Variants in CRTC1 observed in about 807,000 individuals in gnomAD.
The protein encoded by CRTC1 is CREB-regulated transcription coactivator 1.
A neutral mutation model predicts 66.1 loss-of-function variants in CRTC1; 18 were observed. The observed-to-expected ratio is 0.27, with a 90% CI of 0.19 to 0.40. The LOEUF is 0.40. Ranked by LOEUF, CRTC1 falls within the 10% of genes least tolerant of loss-of-function variation. The probability of loss-of-function intolerance (pLI) is 1.00; values close to 1 mark genes in which losing one functional copy is unlikely to be tolerated. For synonymous variants in CRTC1, 416 were observed against 398.8 expected, an observed-to-expected ratio of 1.04 and a Z score of -0.51; for missense variants, 669 against 887.9, an observed-to-expected ratio of 0.75 and a Z score of 3.13.
chr19:18,724,034 T>C (rs1460891611), intron 1 of CRTC1, among the ~76,000 whole-genome samples: 3 of 152,204 alleles, frequency 2.0e-5, no homozygotes, highest in African/African-American at 7.2e-5. Context: ...GAAACCTCCC[T>C]GCACAGAACA....
intron 1 of CRTC1, among the ~76,000 whole-genome samples, chr19:18,722,491 C>T (rs1380023454): frequency 6.6e-6 from 1 of 152,156 alleles, no homozygotes; most frequent in Admixed American, 6.5e-5. Flanking sequence ...GACTGGTGTC[C>T]TTATTTAAAG....
At chr19:18,730,674 C>G (rs2053867008) in intron 1 of CRTC1, among the ~76,000 whole-genome samples, 1 of 152,178 alleles carries the variant, frequency 6.6e-6, no homozygotes, top group African/African-American at 2.4e-5. Context: ...CCTACCTCAT[C>G]CTTCATCCCG....
chr19:18,778,074 C>G lies in CRTC1; in HGVS notation c.*692C>G. ...CCTCCTCGCCCTGTCTCCATCCCCT[C>G]GAAGCCCTGCCTCACCGCAGGCAGG... On this transcript the variant is annotated 3_prime_UTR_variant, in exon 14 of 14. Coordinates refer to ENST00000321949, the MANE Select transcript of CRTC1 (RefSeq NM_015321.3). The G allele has an allele frequency of 4.3e-6, 1 of 233,358 alleles. No individual in the cohort carries two copies. Among genetic ancestry groups the G allele is most frequent in the Non-Finnish European group, 8.5e-6 (1 of 118,118 alleles). The allele number at this position is 233,358 out of a possible 1,614,324, so 14.5% of individuals were successfully genotyped here. A position where few individuals can be genotyped will look rare whatever the true frequency, so the allele number is the denominator to read the frequency against.
chr19:18,770,237 G>A (rs933808210), intron 10 of CRTC1, among the ~76,000 whole-genome samples: 3 of 152,232 alleles, frequency 2.0e-5, no homozygotes, highest in African/African-American at 7.2e-5. Context: ...GGCCTGGCCC[G>A]ACCTGCCTCT....
chr19:18,741,354 ACGT>A lies in CRTC1; in HGVS notation c.127-1552_127-1550del, dbSNP rs2054106850. On this transcript the variant is annotated intron_variant, in intron 1 of 13. Transcript: ENST00000321949. This position sits in a 1 kb window ranked among gnomAD's most constrained non-coding sequence, Gnocchi z 4.2. Reference sequence around the variant, plus strand: ...GTGGCATGAGTACCTGCTGTGTCACACGTCGTGTGTCCCTCTCACACCCGCCTG... The same window carrying A: ...GTGGCATGAGTACCTGCTGTGTCACACGTGTGTCCCTCTCACACCCGCCTG... Among the ~76,000 whole-genome samples the A allele has an allele frequency of 6.6e-6, 1 of 152,176 alleles. No individual in the cohort carries two copies. Among genetic ancestry groups the A allele is most frequent in the Admixed American group, 6.5e-5 (1 of 15,280 alleles).
At chr19:18,745,742 C>G (rs2054218808) in intron 2 of CRTC1, 81 bp from the exon 3 acceptor site, 1 of 1,574,790 alleles carries the variant, frequency 6.4e-7, no homozygotes. Flanking sequence ...TGCGATCAGA[C>G]TCTGGGGCCA....
chr19:18,721,233 G>T (rs1242796486), intron 1 of CRTC1, among the ~76,000 whole-genome samples: 1 of 144,124 alleles, frequency 6.9e-6, no homozygotes, highest in Non-Finnish European at 1.5e-5. Context: ...TCGCTCTGTC[G>T]TCCAGGCTGG....
intron 1 of CRTC1, among the ~76,000 whole-genome samples, chr19:18,719,149 C>T (rs2053568786): frequency 6.6e-6 from 1 of 152,168 alleles, no homozygotes; most frequent in Non-Finnish European, 1.5e-5. Flanking sequence ...AGGGACACCT[C>T]CAGCCTCTGT....
In CRTC1 at chr19:18,768,750, C is replaced by G. The variant is rs770653630; in HGVS notation, c.1277C>G (p.Pro426Arg). 2.9e-5 allele frequency: 47 copies of G among 1,602,046 alleles called. No homozygotes were observed. Among genetic ancestry groups the G allele is most frequent in the Non-Finnish European group, 3.7e-5 (44 of 1,175,582 alleles). The change falls in exon 10 of 14, where the codon CCA becomes CGA. Residue 426 changes from proline to arginine, a missense_variant. Pro to Arg is a moderately radical substitution (Grantham distance 103, BLOSUM62 -2). Around this residue, in one of 8 missense-constraint regions of CRTC1, gnomAD observed 241 missense variants for 242.2 expected, o/e 0.99. Transcript: ENST00000321949. This position sits in a 1 kb window ranked among gnomAD's most constrained non-coding sequence, Gnocchi z 5.6. ...TVPSSLPQSP[P>R]ENPGQPSMGI... The stretch of plus-strand genomic sequence containing the variant: ...CCGTCCTCTCTCCCCCAGTCCCCCC[C>G]AGAGAACCCTGGCCAGCCATCGATG...
chr19:18,690,495 C>T (rs1396998730), intron 1 of CRTC1, among the ~76,000 whole-genome samples: 1 of 152,194 alleles, frequency 6.6e-6, no homozygotes, highest in Non-Finnish European at 1.5e-5. Context: ...CCTCATCACT[C>T]TCCAGGCCCC....
rs1018846685 is a variant in CRTC1 at position 18,777,487 on chromosome 19, G to A, written c.*105G>A. The A allele has an allele frequency of 5.4e-6, 6 of 1,106,586 alleles. No individual in the cohort carries two copies. Among genetic ancestry groups the A allele is most frequent in the Non-Finnish European group, 8.1e-6 (6 of 740,796 alleles). The allele number at this position is 1,106,586 out of a possible 1,614,324, so 68.5% of individuals were successfully genotyped here. A position where few individuals can be genotyped will look rare whatever the true frequency, so the allele number is the denominator to read the frequency against. The stretch of plus-strand genomic sequence containing the variant: ...CCAACGGCCGAGCTTGTGATTCTGA[G>A]CTTGCAATGCCGCCAAGCGCCCCCC... On this transcript the variant is annotated 3_prime_UTR_variant, in exon 14 of 14. Transcript: ENST00000321949. The surrounding 1 kb of genome is among the most constrained non-coding windows in gnomAD (Gnocchi z 5.5).
chr19:18,728,815 C>CTT (rs35465891), intron 1 of CRTC1, among the ~76,000 whole-genome samples: 1,835 of 79,360 alleles, frequency 0.023, 180 homozygotes, highest in Non-Finnish European at 0.032. Context: ...CTCACCTGGC[C>CTT]TTTTTTTTTT....
At chr19:18,756,348 A>AAC (rs1555786046) in intron 6 of CRTC1, among the ~76,000 whole-genome samples, 1 of 150,538 alleles carries the variant, frequency 6.6e-6, no homozygotes, top group Non-Finnish European at 1.5e-5. Context: ...AAAAAAAAAA[A>AAC]AAAAAAACTC....
At position 18,775,699 on chromosome 19, in the gene CRTC1, G is replaced by C. The variant is rs762657185; in HGVS notation, c.1571G>C (p.Gly524Ala). 3.7e-6 allele frequency: 6 copies of C among 1,612,686 alleles called. No individual in the cohort carries two copies. Among genetic ancestry groups the C allele is most frequent in the South Asian group, 3.3e-5 (3 of 91,052 alleles). ...AGCTCCAGCAGCCTGTACAGCCCGG[G>C]CTCCACACTCAACTACTCGCAGGCG... ...AISSSSLYSP[G>A]STLNYSQAAM... is the part of the protein sequence containing the mutation. The change falls in exon 13 of 14, where the codon GGC (glycine) becomes GCC (alanine). Residue 524 changes from glycine (G) to alanine (A), a missense_variant. Around this residue, in one of 8 missense-constraint regions of CRTC1, gnomAD observed 79 missense variants for 100.1 expected, o/e 0.79. Transcript: ENST00000321949.
chr19:18,754,748 T>A (rs920227743), intron 6 of CRTC1, among the ~76,000 whole-genome samples: 5 of 152,172 alleles, frequency 3.3e-5, no homozygotes, highest in African/African-American at 1.2e-4. Context: ...ACACTCCTGA[T>A]ACTATTGTCA....
chr19:18,750,279 C>G (rs2054334437), intron 5 of CRTC1, among the ~76,000 whole-genome samples: 1 of 152,208 alleles, frequency 6.6e-6, no homozygotes, highest in African/African-American at 2.4e-5. Context: ...CCACTGCTTC[C>G]CACTGGACTG....
chr19:18,749,563 C>T (rs1374580056), intron 4 of CRTC1, among the ~76,000 whole-genome samples: 2 of 152,256 alleles, frequency 1.3e-5, no homozygotes, highest in Non-Finnish European at 2.9e-5. Flanking sequence ...CCTCGCGCGG[C>T]TGCTTTTTGT....
chr19:18,780,934 CG>C lies in CRTC1; in HGVS notation c.*3555del, dbSNP rs2055090356. ...TTTTAACCAAACATCCTTCCAAACT[CG>C]GGCTGCGACCTGCTTCCTGAGTTTT... On this transcript the variant is annotated 3_prime_UTR_variant, in exon 14 of 14. Coordinates refer to ENST00000321949, the MANE Select transcript of CRTC1 (RefSeq NM_015321.3). 1 of 222,558 alleles carries C rather than the reference CG, an allele frequency of 4.5e-6. No homozygotes were observed. Among genetic ancestry groups the C allele is most frequent in the Non-Finnish European group, 9.0e-6 (1 of 111,420 alleles). The allele number at this position is 222,558 out of a possible 1,614,324, so 13.8% of individuals were successfully genotyped here.
At chr19:18,762,651 A>G (rs1037918557) in intron 8 of CRTC1, among the ~76,000 whole-genome samples, 10 of 152,076 alleles carry the variant, frequency 6.6e-5, no homozygotes, top group Admixed American at 5.9e-4. Flanking sequence ...GGGCCCTGAC[A>G]CCTGGCCCGC....
Sources: allele counts gnomAD v4.1 joint callset (sites outside exome capture counted in the v4.1 genomes callset), GRCh38; gene constraint gnomAD v4.1.1; regional missense constraint gnomAD v4.1.1; non-coding constraint Gnocchi (gnomAD v3.1); transcripts MANE v1.5; gene names NCBI Gene and HGNC (gene_info 2026-07-23, HGNC 2026-07-21).